DNAJC8: variants seen among roughly 807,000 people sequenced by gnomAD.
DNAJC8 encodes dnaJ homolog subfamily C member 8.
Under a neutral mutation model 43.2 loss-of-function variants are expected in DNAJC8, and 24 were observed. The ratio of observed to expected loss-of-function variants is 0.56; its 90% confidence interval spans 0.40 to 0.78. DNAJC8 has a LOEUF of 0.78. Ranked by LOEUF, DNAJC8 falls within the 30% of genes least tolerant of loss-of-function variation. DNAJC8 has a pLI of 0.00. For synonymous variants in DNAJC8, 83 were observed against 98.0 expected (o/e 0.85, Z 0.90); for missense variants, 207 against 299.4 (o/e 0.69, Z 2.28).
chr1:28,201,449 C>A (rs1646732749), intron 8 of DNAJC8, 79 bp from the exon 9 acceptor site: 5 of 1,589,916 alleles, frequency 3.1e-6, no homozygotes, highest in Non-Finnish European at 1.7e-6. Context: ...ATCCACTCAC[C>A]CTCCTGTAGC....
intron 3 of DNAJC8, 64 bp from the exon 4 acceptor site, chr1:28,210,701 T>C (rs1646804780): frequency 7.3e-7 from 1 of 1,364,574 alleles, no homozygotes; most frequent in Non-Finnish European, 1.0e-6. Flanking sequence ...CAGCCTGCCC[T>C]GTCTCGTTAC....
In DNAJC8 at chr1:28,200,476, C is replaced by G. The variant is rs1356872570; in HGVS notation, c.*772G>C. 2.2e-6 allele frequency: 1 copy of G among 456,344 alleles called. No homozygotes were observed. Among genetic ancestry groups the G allele is most frequent in the African/African-American group, 2.0e-5 (1 of 50,060 alleles). The allele number at this position is 456,344 out of a possible 1,614,324, so 28.3% of individuals were successfully genotyped here. The stretch of plus-strand genomic sequence containing the variant: ...AAACTAAGGTTCAGCCAGGTCTGTC[C>G]AACCCCAAAGCATTTTGGGGTTCAG... On this transcript the variant is annotated 3_prime_UTR_variant, in exon 9 of 9. Transcript: ENST00000263697.
At chr1:28,208,164 C>A (rs1646783297) in intron 6 of DNAJC8, among the ~76,000 whole-genome samples, 178 bp downstream of exon 6, 1 of 152,184 alleles carries the variant, frequency 6.6e-6, no homozygotes, top group Admixed American at 6.5e-5. Flanking sequence ...CGAGATCGCG[C>A]CATTGCCCTC....
chr1:28,219,865 T>C (rs1409188113), intron 2 of DNAJC8, among the ~76,000 whole-genome samples: 1 of 152,114 alleles, frequency 6.6e-6, no homozygotes, highest in Non-Finnish European at 1.5e-5. Flanking sequence ...TCAGTAGAGA[T>C]GGGGTTTCAC....
At chr1:28,209,435 A>T (rs1400500657) in intron 5 of DNAJC8, among the ~76,000 whole-genome samples, 3 of 152,166 alleles carry the variant, frequency 2.0e-5, no homozygotes, top group Admixed American at 2.0e-4. Context: ...CACATTGGAG[A>T]CTTATGTATG....
chr1:28,223,887 C>A (rs1646915988), intron 2 of DNAJC8, among the ~76,000 whole-genome samples: 1 of 152,134 alleles, frequency 6.6e-6, no homozygotes, highest in African/African-American at 2.4e-5. Context: ...GATATCCCAA[C>A]AGCAATGAAT....
chr1:28,215,137 C>A, intron 2 of DNAJC8, 141 bp from the exon 3 acceptor site: 1 of 540,334 alleles, frequency 1.9e-6, no homozygotes, highest in South Asian at 4.1e-5. Flanking sequence ...GCACACAGTT[C>A]TAGAAATTGC....
At chr1:28,220,615 T>C (rs1461175244) in intron 2 of DNAJC8, among the ~76,000 whole-genome samples, 1 of 152,150 alleles carries the variant, frequency 6.6e-6, no homozygotes, top group African/African-American at 2.4e-5. Flanking sequence ...TTAATCCAAT[T>C]GTGAGGGCAG....
intron 2 of DNAJC8, among the ~76,000 whole-genome samples, chr1:28,222,348 T>C (rs1452809186): frequency 1.3e-5 from 2 of 151,894 alleles, no homozygotes; most frequent in Admixed American, 6.6e-5. Context: ...TAGCCGGATG[T>C]GGTGGCATGC....
chr1:28,205,396 C>A, intron 6 of DNAJC8, 47 bp from the exon 7 acceptor site: 3 of 1,454,710 alleles, frequency 2.1e-6, no homozygotes, highest in East Asian at 4.6e-5. Flanking sequence ...AATATTTTTA[C>A]CAGCAACTTG....
chr1:28,202,825 G>A (rs1005685991), intron 8 of DNAJC8, among the ~76,000 whole-genome samples: 3 of 151,406 alleles, frequency 2.0e-5, no homozygotes, highest in African/African-American at 7.3e-5. Context: ...CTCATGATCT[G>A]CCCGCCTTGG....
intron 2 of DNAJC8, among the ~76,000 whole-genome samples, chr1:28,219,057 T>C (rs1182504064): frequency 1.3e-5 from 2 of 152,226 alleles, no homozygotes; most frequent in Non-Finnish European, 2.9e-5. Context: ...GATAAGATTA[T>C]AGCTTACAAC....
At position 28,201,049 on chromosome 1, in the gene DNAJC8, A is replaced by C. The variant is rs1485582993; in HGVS notation, c.*199T>G. The stretch of plus-strand genomic sequence containing the variant: ...TTGTTCTAGGGGCAGGGAGAGGGAA[A>C]GGTCTTTTTTTAAACCAAGCCCCTC... On this transcript the variant is annotated 3_prime_UTR_variant, in exon 9 of 9. Coordinates refer to ENST00000263697, the MANE Select transcript of DNAJC8 (RefSeq NM_014280.3). 4.1e-6 allele frequency: 3 copies of C among 726,272 alleles called. No individual in the cohort carries two copies. The highest frequency in any genetic ancestry group is 6.5e-6 in the Non-Finnish European group (3 of 462,384). The allele number at this position is 726,272 out of a possible 1,614,324, so 45.0% of individuals were successfully genotyped here. A position where few individuals can be genotyped will look rare whatever the true frequency, so the allele number is the denominator to read the frequency against.
Position 28,232,988 on chromosome 1 carries a change from G to A in DNAJC8, c.11C>T (p.Ser4Leu), listed in dbSNP as rs1646991905. The change falls in exon 1 of 9, where the codon TCA becomes TTA. Residue 4 changes from serine to leucine, a missense_variant. Ser to Leu is a moderately radical substitution (Grantham distance 145, BLOSUM62 -2). This residue lies in a region of DNAJC8 where 48 missense variants were observed against 31.9 expected (regional missense o/e 1.50). Coordinates refer to ENST00000263697, the MANE Select transcript of DNAJC8 (RefSeq NM_014280.3). MAA[S>L]GESGTSGGGG... ...GCCGCCTGAAGTCCCGCTCTCTCCT[G>A]AAGCCGCCATTTCCCCGGCCCAGCC... 2 of 1,612,200 alleles carry A rather than the reference G, an allele frequency of 1.2e-6. No individual in the cohort carries two copies. The highest frequency in any genetic ancestry group is 2.2e-5 in the East Asian group (1 of 44,870).
At chr1:28,201,555 G>A (rs545586321) in intron 8 of DNAJC8, among the ~76,000 whole-genome samples, 185 bp from the exon 9 acceptor site, 9 of 152,106 alleles carry the variant, frequency 5.9e-5, no homozygotes, top group East Asian at 1.9e-4. Context: ...TCGGGAGGCC[G>A]AGGCGGGCAG....
chr1:28,212,173 ATATATAT>A (rs1646816481), intron 3 of DNAJC8, among the ~76,000 whole-genome samples: 953 of 79,330 alleles, frequency 0.012, 96 homozygotes, highest in South Asian at 0.022. Flanking sequence ...AAATAAATAT[ATATATAT>A]ATATATATAT....
At chr1:28,232,650 G>A (rs747312265) in intron 1 of DNAJC8, among the ~76,000 whole-genome samples, 1 of 147,956 alleles carries the variant, frequency 6.8e-6, no homozygotes, top group South Asian at 2.1e-4. Context: ...CCGCGGACTT[G>A]GGGCACTCTG....
At chr1:28,231,516 C>G (rs1255251093) in intron 1 of DNAJC8, among the ~76,000 whole-genome samples, 3 of 150,722 alleles carry the variant, frequency 2.0e-5, no homozygotes, top group South Asian at 2.1e-4. Flanking sequence ...GAGATCAAGA[C>G]CAGTCTGGCC....
At chr1:28,224,325 T>A (rs1361403645) in intron 2 of DNAJC8, among the ~76,000 whole-genome samples, 1 of 152,164 alleles carries the variant, frequency 6.6e-6, no homozygotes. Flanking sequence ...TGGAGTGCAA[T>A]GGTGCAATCT....
Sources: gnomAD v4.1 joint callset for allele counts (sites outside exome capture counted in the v4.1 genomes callset) on GRCh38, gnomAD v4.1.1 for gene constraint, gnomAD v4.1.1 regional missense constraint, MANE v1.5 for transcripts, NCBI Gene and HGNC (gene_info 2026-07-23, HGNC 2026-07-21) for gene names.